Variants in PTPRO observed in about 807,000 individuals in gnomAD.
The protein encoded by PTPRO is protein tyrosine phosphatase receptor type O, also known as receptor-type tyrosine-protein phosphatase O.
A neutral mutation model predicts 145.2 loss-of-function variants in PTPRO; 62 were observed. That is an observed-to-expected ratio of 0.43 (90% CI 0.35 to 0.53). The LOEUF (loss-of-function observed/expected upper bound fraction) is 0.53, where lower values mean the gene tolerates loss of function less well. Among genes scored for constraint, PTPRO ranks in the 20% least tolerant of loss-of-function variants. PTPRO has a pLI of 0.01. For missense variants in PTPRO, 1,345 were observed against 1,482.7 expected (o/e 0.91, Z 1.53); for synonymous variants, 565 against 514.7 (o/e 1.10, Z -1.32).
intron 24 of PTPRO, chr12:15,587,273 G>GA (rs967579969): frequency 9.1e-6 from 5 of 550,780 alleles, no homozygotes; most frequent in South Asian, 2.1e-5. Flanking sequence ...ATTTTTAAAT[G>GA]AAAAAAATAG....
intron 1 of PTPRO, among the ~76,000 whole-genome samples, chr12:15,480,879 C>T (rs1413246160): frequency 1.3e-5 from 2 of 152,158 alleles, no homozygotes; most frequent in African/African-American, 4.8e-5. Context: ...GTCAACTGCC[C>T]TCCAAAATCT....
intron 19 of PTPRO, among the ~76,000 whole-genome samples, chr12:15,575,813 C>G (rs1385058074): frequency 6.6e-6 from 1 of 152,216 alleles, no homozygotes. Context: ...TTCTTTGCCT[C>G]TTTCAGCTTC....
chr12:15,549,749 T>C (rs1943403370), intron 14 of PTPRO, among the ~76,000 whole-genome samples: 2 of 152,212 alleles, frequency 1.3e-5, no homozygotes, highest in Admixed American at 1.3e-4. Context: ...GTATTACATG[T>C]GTTACTCCTG....
chr12:15,475,060 T>G (rs1051903580), intron 1 of PTPRO, among the ~76,000 whole-genome samples: 2 of 152,350 alleles, frequency 1.3e-5, no homozygotes, highest in South Asian at 2.1e-4. Context: ...GTCGTTAGCA[T>G]TTGGAAGATT....
At chr12:15,525,750 CT>C (rs1274428230) in intron 11 of PTPRO, among the ~76,000 whole-genome samples, 1 of 152,318 alleles carries the variant, frequency 6.6e-6, no homozygotes, top group African/African-American at 2.4e-5. Context: ...ATAACAATGG[CT>C]GTTAGGTAGG....
At chr12:15,370,224 TATA>T (rs1385243839) in intron 1 of PTPRO, among the ~76,000 whole-genome samples, 1 of 152,172 alleles carries the variant, frequency 6.6e-6, no homozygotes, top group Non-Finnish European at 1.5e-5. Flanking sequence ...AAGAAAAAAT[TATA>T]ATGCTTTCCT....
intron 1 of PTPRO, among the ~76,000 whole-genome samples, chr12:15,335,864 T>C (rs1159320401): frequency 6.6e-6 from 1 of 152,192 alleles, no homozygotes; most frequent in Non-Finnish European, 1.5e-5. Flanking sequence ...GCTAGATTGA[T>C]GTAACATCTT....
chr12:15,441,905 C>T (rs1414795676), intron 1 of PTPRO, among the ~76,000 whole-genome samples: 1 of 152,102 alleles, frequency 6.6e-6, no homozygotes, highest in Non-Finnish European at 1.5e-5. Flanking sequence ...GAGGGATTTA[C>T]AGCCAAATTC....
chr12:15,355,705 T>G (rs1937965437), intron 1 of PTPRO, among the ~76,000 whole-genome samples: 2 of 152,256 alleles, frequency 1.3e-5, no homozygotes, highest in Non-Finnish European at 2.9e-5. Flanking sequence ...TCCTGTGTCT[T>G]CATTAAGTTT....
chr12:15,507,335 C>T (rs1240597025), intron 6 of PTPRO, among the ~76,000 whole-genome samples: 1 of 151,872 alleles, frequency 6.6e-6, no homozygotes, highest in African/African-American at 2.4e-5. Flanking sequence ...ATCGCTTGAA[C>T]TCAGGAGGTG....
At chr12:15,546,855 C>T in intron 13 of PTPRO, 147 bp downstream of exon 13, 1 of 1,198,320 alleles carries the variant, frequency 8.3e-7, no homozygotes, top group South Asian at 1.4e-5. Flanking sequence ...AAATTAACAG[C>T]AGGCTTAGAC....
chr12:15,369,386 A>C (rs1372399285), intron 1 of PTPRO, among the ~76,000 whole-genome samples: 2 of 152,112 alleles, frequency 1.3e-5, no homozygotes, highest in Admixed American at 6.6e-5. Context: ...TCAACAATCA[A>C]AGGTACAGAG....
intron 2 of PTPRO, among the ~76,000 whole-genome samples, chr12:15,495,407 T>C (rs1942079558): frequency 6.7e-6 from 1 of 149,862 alleles, no homozygotes; most frequent in African/African-American, 2.5e-5. Flanking sequence ...TCAATAGTTA[T>C]TTATTGAATG....
intron 2 of PTPRO, among the ~76,000 whole-genome samples, chr12:15,489,013 C>A (rs1211704986): frequency 6.6e-6 from 1 of 152,136 alleles, no homozygotes; most frequent in Non-Finnish European, 1.5e-5. Context: ...CACATAGAGA[C>A]ACTCTACAAA....
chr12:15,531,256 A>G (rs1942956778), intron 12 of PTPRO, among the ~76,000 whole-genome samples: 1 of 152,046 alleles, frequency 6.6e-6, no homozygotes, highest in Non-Finnish European at 1.5e-5. Flanking sequence ...TGATGGCTTG[A>G]CCCCTGAATT....
At chr12:15,446,913 C>A (rs1940916476) in intron 1 of PTPRO, among the ~76,000 whole-genome samples, 1 of 152,058 alleles carries the variant, frequency 6.6e-6, no homozygotes, top group African/African-American at 2.4e-5. Context: ...TTGCAATTCT[C>A]TCAAGAAAGT....
intron 9 of PTPRO, 92 bp downstream of exon 9, chr12:15,517,048 T>C (rs961112934): frequency 5.6e-5 from 69 of 1,229,694 alleles, no homozygotes; most frequent in Non-Finnish European, 8.3e-5. Context: ...ATCTATAAAT[T>C]TGATTATTTT....
At chr12:15,548,899 G>C (rs1943375005) in intron 13 of PTPRO, among the ~76,000 whole-genome samples, 195 bp from the exon 14 acceptor site, 1 of 152,052 alleles carries the variant, frequency 6.6e-6, no homozygotes, top group Admixed American at 6.6e-5. Flanking sequence ...TGACAACATG[G>C]AATAATGCTG....
Position 15,520,208 on chromosome 12 carries a change from C to T in PTPRO, c.1787C>T (p.Ala596Val). ...TVSLTASVRI[A>V]NLLPAWYYNF... is the part of the protein sequence containing the mutation. The stretch of plus-strand genomic sequence containing the variant: ...CTTGCTTTTCTCATTCAGAGAATAG[C>T]TAATCTGCTGCCAGCATGGTACTAC... Residue 596 changes from alanine (A) to valine (V), a missense_variant, in exon 10 of 27, where the codon GCT becomes GTT. Ala to Val is a moderately conservative substitution (Grantham distance 64, BLOSUM62 0). Around this residue, in one of 3 missense-constraint regions of PTPRO, gnomAD observed 1,130 missense variants for 1,214.7 expected, o/e 0.93. Coordinates refer to ENST00000281171, the MANE Select transcript of PTPRO (RefSeq NM_030667.3). 1.2e-6 allele frequency: 2 copies of T among 1,612,628 alleles called. No homozygotes were observed. Among genetic ancestry groups the T allele is most frequent in the Non-Finnish European group, 1.7e-6 (2 of 1,178,712 alleles).
Sources: gnomAD v4.1 joint callset for allele counts (sites outside exome capture counted in the v4.1 genomes callset) on GRCh38, gnomAD v4.1.1 for gene constraint, gnomAD v4.1.1 regional missense constraint, MANE v1.5 for transcripts, NCBI Gene and HGNC (gene_info 2026-07-23, HGNC 2026-07-21) for gene names.